The following VTI1A variants were observed in gnomAD, a reference collection of about 807,000 sequenced individuals.
The protein encoded by VTI1A is vesicle transport through interaction with t-SNAREs 1A.
VTI1A carries 22 observed loss-of-function variants against 34.9 expected under a neutral mutation model. The observed-to-expected ratio is 0.63, with a 90% CI of 0.45 to 0.90. The LOEUF is 0.90. Ranked by LOEUF, VTI1A falls within the 40% of genes least tolerant of loss-of-function variation. The pLI is 0.00. For missense variants in VTI1A, 268 were observed against 275.6 expected, an observed-to-expected ratio of 0.97 and a Z score of 0.20; for synonymous variants, 87 against 97.3, an observed-to-expected ratio of 0.89 and a Z score of 0.62.
At chr10:112,607,553 G>A (rs1460460921) in intron 5 of VTI1A, among the ~76,000 whole-genome samples, 1 of 152,178 alleles carries the variant, frequency 6.6e-6, no homozygotes, top group Non-Finnish European at 1.5e-5. Context: ...TTTTCTGAAT[G>A]GAAAAGTATC....
intron 7 of VTI1A, among the ~76,000 whole-genome samples, chr10:112,702,254 A>C (rs534727253): frequency 2.0e-5 from 3 of 152,366 alleles, no homozygotes; most frequent in Admixed American, 2.0e-4. Flanking sequence ...GGTATTCATA[A>C]AATGATATCC....
intron 7 of VTI1A, among the ~76,000 whole-genome samples, chr10:112,692,046 T>C (rs1848633119): frequency 6.6e-6 from 1 of 152,266 alleles, no homozygotes; most frequent in Non-Finnish European, 1.5e-5. Flanking sequence ...TAAAGATAGC[T>C]GCCACACATG....
At chr10:112,604,420 C>G (rs976346297) in intron 5 of VTI1A, among the ~76,000 whole-genome samples, 1 of 152,170 alleles carries the variant, frequency 6.6e-6, no homozygotes. Context: ...CTTTCTTCCC[C>G]CTCTCTAACT....
intron 5 of VTI1A, among the ~76,000 whole-genome samples, chr10:112,553,965 C>G (rs73365072): frequency 1.4e-3 from 215 of 152,320 alleles, no homozygotes; most frequent in African/African-American, 5.0e-3. Flanking sequence ...ATTAACAGTA[C>G]AATGGGCAGA....
chr10:112,736,844 G>C, intron 7 of VTI1A: 1 of 1,012,536 alleles, frequency 9.9e-7, no homozygotes, highest in Non-Finnish European at 1.5e-6. Context: ...CTCACTGAAA[G>C]AGCTGCCCTG....
At chr10:112,695,533 T>C (rs948462553) in intron 7 of VTI1A, among the ~76,000 whole-genome samples, 3 of 152,190 alleles carry the variant, frequency 2.0e-5, no homozygotes, top group Non-Finnish European at 2.9e-5. Flanking sequence ...GCCTGGGACA[T>C]TGTGACTGTT....
chr10:112,766,924 A>G (rs936167323), intron 7 of VTI1A, among the ~76,000 whole-genome samples: 6 of 152,250 alleles, frequency 3.9e-5, no homozygotes, highest in Non-Finnish European at 7.3e-5. Context: ...AAGAAATAAG[A>G]TCCGTGCCAA....
At chr10:112,496,600 T>G (rs938168496) in intron 3 of VTI1A, among the ~76,000 whole-genome samples, 8 of 152,122 alleles carry the variant, frequency 5.3e-5, no homozygotes, top group African/African-American at 1.9e-4. Flanking sequence ...TGAAGATTAT[T>G]TAAGGCAAAA....
At chr10:112,782,708 G>C (rs1269910634) in intron 7 of VTI1A, among the ~76,000 whole-genome samples, 1 of 152,056 alleles carries the variant, frequency 6.6e-6, no homozygotes, top group African/African-American at 2.4e-5. Context: ...TCTCTGCCCT[G>C]AACTGCTAGG....
intron 7 of VTI1A, among the ~76,000 whole-genome samples, chr10:112,812,830 G>A (rs1273734232): frequency 6.6e-6 from 1 of 152,116 alleles, no homozygotes; most frequent in Non-Finnish European, 1.5e-5. Flanking sequence ...GGAAGACCAA[G>A]TAGTGCTGAG....
chr10:112,575,572 A>AG (rs1427431800), intron 5 of VTI1A, among the ~76,000 whole-genome samples: 1 of 152,204 alleles, frequency 6.6e-6, no homozygotes, highest in African/African-American at 2.4e-5. Flanking sequence ...AGTGCTCTAT[A>AG]GGGAAACATG....
intron 1 of VTI1A, among the ~76,000 whole-genome samples, chr10:112,453,611 T>C (rs1248271309): frequency 6.6e-6 from 1 of 152,094 alleles, no homozygotes; most frequent in African/African-American, 2.4e-5. Flanking sequence ...ATTGGGAGCC[T>C]TTTTTTTAAT....
rs187276652 is a variant in VTI1A at position 112,716,365 on chromosome 10, G to A, written c.560+47367G>A. 1.7e-3 allele frequency among the ~76,000 whole-genome samples: 254 copies of A among 152,318 alleles called. 2 individuals carry two copies. Among genetic ancestry groups the A allele is most frequent in the Non-Finnish European group, 2.5e-3 (173 of 68,034 alleles). On this transcript the variant is annotated intron_variant, in intron 7 of 7. Coordinates refer to ENST00000393077, the MANE Select transcript of VTI1A (RefSeq NM_145206.4). ...GTTGAGACATGGCAGGCCTTAGGTA[G>A]TGAAGATAAAATATAAATAATCCAT...
intron 5 of VTI1A, among the ~76,000 whole-genome samples, chr10:112,541,065 T>G (rs1850849043): frequency 6.6e-6 from 1 of 152,218 alleles, no homozygotes; most frequent in African/African-American, 2.4e-5. Context: ...TAAGATGATG[T>G]TTTTCCTATT....
chr10:112,485,304 A>C (rs1479484003), intron 3 of VTI1A: 1 of 152,142 alleles, frequency 6.6e-6, no homozygotes, highest in South Asian at 2.1e-4. Flanking sequence ...AAAAAAGAAA[A>C]AAGAAAAGAA....
At chr10:112,768,094 C>T (rs1343936010) in intron 7 of VTI1A, among the ~76,000 whole-genome samples, 4 of 152,346 alleles carry the variant, frequency 2.6e-5, no homozygotes, top group Non-Finnish European at 4.4e-5. Context: ...CCGCATATTC[C>T]ACTTCCGATT....
At chr10:112,705,916 C>T (rs759601049) in intron 7 of VTI1A, among the ~76,000 whole-genome samples, 8 of 146,944 alleles carry the variant, frequency 5.4e-5, no homozygotes, top group Non-Finnish European at 1.0e-4. Flanking sequence ...GGCATGTCTA[C>T]GATTGTCATT....
chr10:112,799,073 G>T (rs972525513), intron 7 of VTI1A, among the ~76,000 whole-genome samples: 1 of 152,146 alleles, frequency 6.6e-6, no homozygotes, highest in Non-Finnish European at 1.5e-5. Context: ...TTGACTCCAC[G>T]GTTAGGAATC....
At chr10:112,483,422 T>C (rs1451315455) in intron 3 of VTI1A, among the ~76,000 whole-genome samples, 1 of 152,210 alleles carries the variant, frequency 6.6e-6, no homozygotes, top group East Asian at 1.9e-4. Flanking sequence ...TCTACCTTGA[T>C]ATTGATACTT....
Sources: gnomAD v4.1 joint callset for allele counts (sites outside exome capture counted in the v4.1 genomes callset) on GRCh38, gnomAD v4.1.1 for gene constraint, MANE v1.5 for transcripts, NCBI Gene and HGNC (gene_info 2026-07-23, HGNC 2026-07-21) for gene names.